TP63: variants seen among roughly 807,000 people sequenced by gnomAD.
The protein encoded by TP63 is tumor protein 63.
In TP63, 17 loss-of-function variants were observed where a neutral mutation model predicts 82.8. The observed-to-expected ratio is 0.21, with a 90% CI of 0.14 to 0.31. The LOEUF is 0.31. Among genes scored for constraint, TP63 ranks in the 10% least tolerant of loss-of-function variants. The pLI is 1.00. For synonymous variants in TP63, 330 were observed against 321.7 expected (o/e 1.03, Z -0.28); for missense variants, 648 against 895.3 (o/e 0.72, Z 3.52).
chr3:189,683,817 G>T (rs1464021983), intron 1 of TP63, among the ~76,000 whole-genome samples: 2 of 152,156 alleles, frequency 1.3e-5, no homozygotes, highest in Admixed American at 6.5e-5. Flanking sequence ...TCTCTGTCTT[G>T]CATGACCTGG....
intron 3 of TP63, among the ~76,000 whole-genome samples, chr3:189,791,826 A>T (rs888854203): frequency 2.0e-5 from 3 of 152,108 alleles, no homozygotes; most frequent in African/African-American, 7.2e-5. Flanking sequence ...GAGTATATGA[A>T]ATGCCTGGCA....
At chr3:189,725,717 T>C in intron 1 of TP63, among the ~76,000 whole-genome samples, 1 of 152,204 alleles carries the variant, frequency 6.6e-6, no homozygotes. Flanking sequence ...TCTTTGTTAC[T>C]ACTGATTCTT....
At chr3:189,664,383 G>A (rs1305754754) in intron 1 of TP63, among the ~76,000 whole-genome samples, 2 of 152,076 alleles carry the variant, frequency 1.3e-5, no homozygotes, top group Non-Finnish European at 2.9e-5. Context: ...CATTCAAAAT[G>A]ACAAACTTTA....
chr3:189,609,340 A>C, the TP63 span, among the ~76,000 whole-genome samples: 3 of 152,170 alleles, frequency 2.0e-5, no homozygotes, highest in Non-Finnish European at 4.4e-5. Context: ...AATAAGAATC[A>C]AACCATGATG....
At chr3:189,777,180 C>G (rs528814805) in intron 3 of TP63, among the ~76,000 whole-genome samples, 1 of 151,888 alleles carries the variant, frequency 6.6e-6, no homozygotes, top group South Asian at 2.1e-4. Context: ...CTAACTCACC[C>G]TGTTATTTTT....
At chr3:189,714,160 T>C (rs1718793326) in intron 1 of TP63, among the ~76,000 whole-genome samples, 1 of 152,094 alleles carries the variant, frequency 6.6e-6, no homozygotes, top group South Asian at 2.1e-4. Flanking sequence ...TGTATGTGTA[T>C]GTATGTGTGT....
intron 12 of TP63, 141 bp from the exon 13 acceptor site, chr3:189,890,648 A>T: frequency 4.2e-6 from 3 of 707,298 alleles, no homozygotes; most frequent in Non-Finnish European, 7.6e-6. Context: ...CTTAAGGCCC[A>T]CATATATATT....
At chr3:189,649,459 C>A (rs79251530) in intron 1 of TP63, among the ~76,000 whole-genome samples, 11,676 of 146,112 alleles carry the variant, frequency 0.08, 1,393 homozygotes, top group Middle Eastern at 0.21. Flanking sequence ...ACAACAGACA[C>A]TGGGACCAAT....
chr3:189,620,337 A>G, the TP63 span, among the ~76,000 whole-genome samples: 10 of 152,200 alleles, frequency 6.6e-5, no homozygotes, highest in Non-Finnish European at 1.5e-4. Context: ...ATCCTGAACA[A>G]CATGGTGAAA....
At chr3:189,812,341 C>T (rs1204143751) in intron 4 of TP63, among the ~76,000 whole-genome samples, 2 of 152,126 alleles carry the variant, frequency 1.3e-5, no homozygotes, top group East Asian at 3.8e-4. Context: ...AATAAGACAA[C>T]ATTTTTCATC....
upstream of TP63, chr3:189,631,201 T>A: frequency 1.0e-6 from 1 of 983,068 alleles, no homozygotes; most frequent in Non-Finnish European, 1.2e-6. Flanking sequence ...CAACAACAAG[T>A]GTGGCTACTA....
chr3:189,819,515 A>G (rs1015422699), intron 4 of TP63, among the ~76,000 whole-genome samples: 1 of 151,844 alleles, frequency 6.6e-6, no homozygotes, highest in Non-Finnish European at 1.5e-5. Context: ...TCATTGTTCA[A>G]TTCCTACCTA....
intron 1 of TP63, among the ~76,000 whole-genome samples, chr3:189,706,455 C>T (rs1718204698): frequency 6.6e-6 from 1 of 152,012 alleles, no homozygotes; most frequent in Non-Finnish European, 1.5e-5. Context: ...GGGGTTTCAC[C>T]ATGTTGGCCA....
chr3:189,853,527 TA>T (rs1715913202), intron 4 of TP63, among the ~76,000 whole-genome samples: 1 of 152,200 alleles, frequency 6.6e-6, no homozygotes, highest in Non-Finnish European at 1.5e-5. Flanking sequence ...CCCAGCTCAT[TA>T]TTTCCTCCAG....
chr3:189,613,371 T>C, the TP63 span, among the ~76,000 whole-genome samples: 1 of 151,526 alleles, frequency 6.6e-6, no homozygotes, highest in Non-Finnish European at 1.5e-5. Context: ...TTCCATGTGG[T>C]GTTGAGCCTG....
intron 3 of TP63, among the ~76,000 whole-genome samples, chr3:189,782,941 C>T (rs368703692): frequency 4.0e-5 from 6 of 151,880 alleles, no homozygotes; most frequent in Admixed American, 1.3e-4. Context: ...GCATTGTTGG[C>T]CTAAACATAA....
intron 1 of TP63, among the ~76,000 whole-genome samples, chr3:189,683,330 A>G (rs1480349002): frequency 6.6e-6 from 1 of 152,186 alleles, no homozygotes; most frequent in Non-Finnish European, 1.5e-5. Context: ...ACAGCACAAA[A>G]CATATGTTGC....
intron 4 of TP63, among the ~76,000 whole-genome samples, chr3:189,848,239 T>TTCTCTCTCTCTCTCTCCC (rs1715153924): frequency 1.0e-5 from 1 of 95,984 alleles, no homozygotes. Context: ...CTCCTCCTCC[T>TTCTCTCTCTCTCTCTCCC]TCTCTCTCTC....
At chr3:189,712,387 T>C (rs1206915471) in intron 1 of TP63, among the ~76,000 whole-genome samples, 2 of 152,152 alleles carry the variant, frequency 1.3e-5, no homozygotes, top group Non-Finnish European at 1.5e-5. Context: ...TGTAACAAAA[T>C]ACCATAAACT....
Sources: gnomAD v4.1 joint callset for allele counts (sites outside exome capture counted in the v4.1 genomes callset) on GRCh38, gnomAD v4.1.1 for gene constraint, MANE v1.5 for transcripts, NCBI Gene and HGNC (gene_info 2026-07-23, HGNC 2026-07-21) for gene names.